PTPRA: variants seen among roughly 807,000 people sequenced by gnomAD.
PTPRA encodes receptor-type tyrosine-protein phosphatase alpha.
In PTPRA, 25 loss-of-function variants were observed where a neutral mutation model predicts 104.8. The ratio of observed to expected loss-of-function variants is 0.24; its 90% CI spans 0.17 to 0.33. The LOEUF (loss-of-function observed/expected upper bound fraction) is 0.33. PTPRA is among the 10% of genes least tolerant of loss of function. PTPRA has a pLI of 1.00. For missense variants in PTPRA, 765 were observed against 1,015.3 expected, an observed-to-expected ratio of 0.75 and a Z score of 3.35; for synonymous variants, 323 against 368.9, an observed-to-expected ratio of 0.88 and a Z score of 1.43.
intron 12 of PTPRA, 58 bp downstream of exon 12, chr20:3,015,943 GT>G (rs912730338): frequency 4.0e-6 from 6 of 1,493,120 alleles, no homozygotes; most frequent in Non-Finnish European, 5.6e-6. Flanking sequence ...AATGGGTTTG[GT>G]TTTTTTCTCC....
chr20:3,019,263 A>C (rs2064695473), intron 13 of PTPRA, among the ~76,000 whole-genome samples: 3 of 136,974 alleles, frequency 2.2e-5, no homozygotes, highest in Non-Finnish European at 3.1e-5. Context: ...TGACCCCCCC[A>C]CCTCCCTCCC....
intron 9 of PTPRA, among the ~76,000 whole-genome samples, chr20:2,990,027 A>G (rs2063102096): frequency 6.6e-6 from 1 of 152,212 alleles, no homozygotes; most frequent in Non-Finnish European, 1.5e-5. Context: ...AAAAAAAAGA[A>G]AAAATGACTC....
chr20:2,931,063 G>A (rs1338058046), intron 2 of PTPRA, among the ~76,000 whole-genome samples: 1 of 152,168 alleles, frequency 6.6e-6, no homozygotes, highest in Non-Finnish European at 1.5e-5. Context: ...GGACCACTGG[G>A]AGTCTGGACC....
upstream of PTPRA, among the ~76,000 whole-genome samples, chr20:2,869,377 T>A (rs907538765): frequency 1.3e-5 from 2 of 152,242 alleles, no homozygotes; most frequent in Non-Finnish European, 2.9e-5. Flanking sequence ...AATCCACAGA[T>A]CTTAAATGTA....
intron 20 of PTPRA, among the ~76,000 whole-genome samples, chr20:3,033,963 T>G (rs985613613): frequency 6.7e-6 from 1 of 150,176 alleles, no homozygotes; most frequent in Non-Finnish European, 1.5e-5. Context: ...AATCCGCCCA[T>G]GTATACAAAA....
rs1600034731 is a variant in PTPRA, at chr20:2,875,472, C to T, written c.-129+1712C>T. 2.0e-5 allele frequency among the ~76,000 whole-genome samples: 3 copies of T among 152,236 alleles called. No individual in the cohort carries two copies. In the East Asian group the frequency reaches 5.8e-4, roughly 29 times the overall value. ...TGAAATACAGAACCAGAAAAACCAC[C>T]CCTCTGACTTCAGTACATTCATGTG... is the stretch of plus-strand genomic sequence containing the variant. On this transcript the variant is annotated intron_variant, in intron 1 of 23. Coordinates refer to ENST00000399903, the MANE Select transcript of PTPRA (RefSeq NM_001385305.1).
chr20:3,023,066 C>T (rs1568703298), intron 16 of PTPRA, among the ~76,000 whole-genome samples: 1 of 152,156 alleles, frequency 6.6e-6, no homozygotes, highest in Non-Finnish European at 1.5e-5. Context: ...AATCTGTAAC[C>T]CTAGCCCCAA....
chr20:2,941,188 G>A (rs1320746672), intron 2 of PTPRA, among the ~76,000 whole-genome samples: 4 of 151,906 alleles, frequency 2.6e-5, no homozygotes, highest in Non-Finnish European at 5.9e-5. Flanking sequence ...CTGCAATCAC[G>A]CCAGGCTAAT....
chr20:2,929,573 T>G (rs1354902639), intron 2 of PTPRA, among the ~76,000 whole-genome samples: 1 of 152,088 alleles, frequency 6.6e-6, no homozygotes, highest in African/African-American at 2.4e-5. Flanking sequence ...GTTTGTAATC[T>G]TAGTACTTTG....
At chr20:2,867,801 AAG>A in the PTPRA span, among the ~76,000 whole-genome samples, 22 of 152,246 alleles carry the variant, frequency 1.4e-4, no homozygotes, top group African/African-American at 5.3e-4. Context: ...TGCTTTTAGA[AAG>A]ACAGTGAGAG....
At chr20:3,028,992 A>C (rs531605846) in intron 20 of PTPRA, among the ~76,000 whole-genome samples, 9 of 152,312 alleles carry the variant, frequency 5.9e-5, no homozygotes, top group African/African-American at 1.9e-4. Flanking sequence ...TCAAACATTT[A>C]AAATACAAAG....
Position 3,035,662 on chromosome 20 carries a change from G to A in PTPRA, c.1998G>A (p.Glu666=), listed in dbSNP as rs779364762. Residue 666 remains glutamate (E), a synonymous_variant, in exon 21 of 24, where the codon GAG becomes GAA. Transcript: ENST00000399903. This position sits in a 1 kb window ranked among gnomAD's most constrained non-coding sequence, Gnocchi z 5.8. ...TTACAGTGGAACTGAAGAAGGAGGA[G>A]GAATGTGAGAGCTACACCGTCCGAG... The part of the protein sequence containing the change: ...GDITVELKKE[E]ECESYTVRDL... The A allele has an allele frequency of 2.1e-5, 34 of 1,614,078 alleles. No homozygotes were observed. Among genetic ancestry groups the A allele is most frequent in the Non-Finnish European group, 2.5e-5 (30 of 1,180,016 alleles).
At chr20:2,867,743 C>T in the PTPRA span, among the ~76,000 whole-genome samples, 12 of 152,342 alleles carry the variant, frequency 7.9e-5, no homozygotes, top group South Asian at 4.1e-4. Context: ...GTGCAGGCCT[C>T]ACTGGAGCTT....
chr20:3,029,860 G>A (rs1412129734), intron 20 of PTPRA, among the ~76,000 whole-genome samples: 1 of 152,146 alleles, frequency 6.6e-6, no homozygotes, highest in African/African-American at 2.4e-5. Flanking sequence ...TACTGATGAG[G>A]TGGGAGGTTC....
In PTPRA at chr20:2,950,281, A is replaced by G. The variant is rs2061309005; in HGVS notation, c.-7+2257A>G. ...TCATTTTTCTTAGTTTTATTTGCCT[A>G]TAATTGTGGATAATCTGTTTTTTAT... On this transcript the variant is annotated intron_variant, in intron 3 of 23. Transcript: ENST00000399903. The surrounding 1 kb of genome is among the most constrained non-coding windows in gnomAD (Gnocchi z 4.0). Among the ~76,000 whole-genome samples the G allele has an allele frequency of 6.6e-6, 1 of 152,044 alleles. No homozygotes were observed. Among genetic ancestry groups the G allele is most frequent in the Non-Finnish European group, 1.5e-5 (1 of 68,010 alleles).
chr20:3,030,445 C>T (rs532148632), intron 20 of PTPRA, among the ~76,000 whole-genome samples: 1 of 152,206 alleles, frequency 6.6e-6, no homozygotes, highest in Admixed American at 6.5e-5. Context: ...CCTCACTGGC[C>T]CCCAAGTTCA....
At chr20:2,925,537 A>G (rs1465981325) in intron 2 of PTPRA, among the ~76,000 whole-genome samples, 1 of 151,510 alleles carries the variant, frequency 6.6e-6, no homozygotes, top group African/African-American at 2.4e-5. Flanking sequence ...GTGTAGGCTG[A>G]GTGTGGTGGC....
chr20:3,008,749 A>C (rs75098260), intron 11 of PTPRA, among the ~76,000 whole-genome samples: 3,036 of 134,880 alleles, frequency 0.023, 92 homozygotes, highest in African/African-American at 0.084. Flanking sequence ...AAAAAACAAA[A>C]AAAAAAAAAA....
chr20:3,024,241 C>T (rs954408926), intron 16 of PTPRA, among the ~76,000 whole-genome samples: 2 of 152,174 alleles, frequency 1.3e-5, no homozygotes, highest in Non-Finnish European at 2.9e-5. Flanking sequence ...CTCCAGGCGT[C>T]CACCACCCCC....
Sources: allele counts gnomAD v4.1 joint callset (sites outside exome capture counted in the v4.1 genomes callset), GRCh38; gene constraint gnomAD v4.1.1; non-coding constraint Gnocchi (gnomAD v3.1); transcripts MANE v1.5; gene names NCBI Gene and HGNC (gene_info 2026-07-23, HGNC 2026-07-21).